Variants in TRPM1 observed in about 807,000 individuals in gnomAD.
TRPM1 encodes the protein TRPM1-203 APA Isoform, Intron 10.
A neutral mutation model predicts 149.4 loss-of-function variants in TRPM1; 113 were observed. The observed-to-expected ratio is 0.76, with a 90% CI of 0.65 to 0.88. The LOEUF (loss-of-function observed/expected upper bound fraction) is 0.88, where lower values mean the gene tolerates loss of function less well. TRPM1 is among the 40% of genes least tolerant of loss of function. TRPM1 has a pLI of 0.00. For synonymous variants in TRPM1, 741 were observed against 759.5 expected, an observed-to-expected ratio of 0.98 and a Z score of 0.40; for missense variants, 1,976 against 2,038.7, an observed-to-expected ratio of 0.97 and a Z score of 0.59.
chr15:31,126,152 G>T (rs1028004932), intron 1 of TRPM1, among the ~76,000 whole-genome samples: 8 of 151,752 alleles, frequency 5.3e-5, no homozygotes, highest in African/African-American at 1.9e-4. Flanking sequence ...CAAAAAGAAA[G>T]AAACAAACAA....
At chr15:31,157,781 GA>G (rs1417743134) in intron 1 of TRPM1, among the ~76,000 whole-genome samples, 1 of 152,152 alleles carries the variant, frequency 6.6e-6, no homozygotes, top group Non-Finnish European at 1.5e-5. Flanking sequence ...GAGCTGGGAA[GA>G]GCTGGCCAGC....
chr15:31,131,598 G>C lies in TRPM1; in HGVS notation c.54+29308C>G, dbSNP rs149477779. 3.9e-5 allele frequency among the ~76,000 whole-genome samples: 6 copies of C among 152,344 alleles called. No homozygotes were observed. In the East Asian group the frequency reaches 1.2e-3, roughly 29 times the overall value. ...TTCTGATTGACAGCCATCAGGTTCA[G>C]TACCAGCTACCCTTTCAGGCATCCC... On this transcript the variant is annotated intron_variant, in intron 1 of 26. Transcript: ENST00000542188.
intron 27 of TRPM1, among the ~76,000 whole-genome samples, chr15:31,018,210 C>A (rs2032437271): frequency 6.6e-6 from 1 of 151,816 alleles, no homozygotes; most frequent in Non-Finnish European, 1.5e-5. Context: ...TGCCACCACG[C>A]CTGGCAATTT....
intron 1 of TRPM1, among the ~76,000 whole-genome samples, chr15:31,124,151 G>A (rs2035914386): frequency 6.6e-6 from 1 of 152,148 alleles, no homozygotes; most frequent in African/African-American, 2.4e-5. Context: ...TGGGCGTGGT[G>A]GTGCACACCT....
upstream of TRPM1, among the ~76,000 whole-genome samples, chr15:31,103,852 A>C (rs912718800): frequency 6.6e-6 from 1 of 151,896 alleles, no homozygotes; most frequent in African/African-American, 2.4e-5. Context: ...AAAAAGAAAA[A>C]AAAAAGAAAA....
chr15:31,132,128 C>G (rs1398291150), intron 1 of TRPM1, among the ~76,000 whole-genome samples: 5 of 152,228 alleles, frequency 3.3e-5, no homozygotes, highest in African/African-American at 1.2e-4. Context: ...CAGTGCCTTC[C>G]TGATGGCCCA....
At chr15:31,103,910 A>T (rs897164522), upstream of TRPM1, among the ~76,000 whole-genome samples, 1 of 151,816 alleles carries the variant, frequency 6.6e-6, no homozygotes, top group Non-Finnish European at 1.5e-5. Context: ...CTCACCTTGT[A>T]TTTCTGTTGG....
chr15:31,074,395 T>C (rs937734617), intron 3 of TRPM1, among the ~76,000 whole-genome samples: 4 of 152,156 alleles, frequency 2.6e-5, no homozygotes, highest in African/African-American at 9.7e-5. Context: ...CTGTTCAGAT[T>C]GTACATTTTT....
intron 11 of TRPM1, among the ~76,000 whole-genome samples, chr15:31,056,136 T>A (rs2034079330): frequency 2.0e-5 from 3 of 151,494 alleles, no homozygotes; most frequent in Admixed American, 1.3e-4. Flanking sequence ...TACAGCAAAA[T>A]GATAGAGAAA....
At chr15:31,089,567 C>T (rs1449493035) in intron 1 of TRPM1, among the ~76,000 whole-genome samples, 1 of 152,144 alleles carries the variant, frequency 6.6e-6, no homozygotes, top group Non-Finnish European at 1.5e-5. Context: ...CAGGCCTGAG[C>T]GGCACCGTTT....
intron 1 of TRPM1, among the ~76,000 whole-genome samples, chr15:31,123,133 C>T (rs1049338004): frequency 1.3e-5 from 2 of 152,156 alleles, no homozygotes; most frequent in African/African-American, 4.8e-5. Flanking sequence ...CAACTGAGAT[C>T]CACATGGAAA....
intron 1 of TRPM1, among the ~76,000 whole-genome samples, chr15:31,092,888 G>A (rs1245839540): frequency 3.3e-5 from 5 of 152,208 alleles, no homozygotes; most frequent in African/African-American, 9.6e-5. Context: ...TACACACAGT[G>A]TGATTCCATT....
At chr15:31,057,511 C>G (rs1418068163) in intron 11 of TRPM1, among the ~76,000 whole-genome samples, 1 of 152,124 alleles carries the variant, frequency 6.6e-6, no homozygotes, top group African/African-American at 2.4e-5. Context: ...ACATAACAAA[C>G]CTGCACTTGT....
In TRPM1 at chr15:31,151,443, G is replaced by A. The variant is rs150278372; in HGVS notation, c.54+9463C>T. Among the ~76,000 whole-genome samples, 124 of 152,322 alleles carry A rather than the reference G, an allele frequency of 8.1e-4. 1 individual carries two copies. In the East Asian group the frequency reaches 0.022, roughly 27 times the overall value. On this transcript the variant is annotated intron_variant, in intron 1 of 26. Coordinates refer to the TRPM1 transcript ENST00000542188. ...TGCCCAGCACCCACTCCTGCCAAGG[G>A]TATCCCCTTGTCTCTCATAGCCTGG...
At chr15:31,084,232 A>G (rs999370089) in intron 1 of TRPM1, among the ~76,000 whole-genome samples, 3 of 152,006 alleles carry the variant, frequency 2.0e-5, no homozygotes, top group Admixed American at 2.0e-4. Context: ...CCTAAAATTC[A>G]CCTATTAAAG....
intron 1 of TRPM1, among the ~76,000 whole-genome samples, chr15:31,113,082 A>C (rs7170825): frequency 1.3e-5 from 2 of 152,110 alleles, no homozygotes; most frequent in African/African-American, 4.8e-5. Flanking sequence ...CTGACAGTAG[A>C]ACCCCTGTCC....
At position 31,147,491 on chromosome 15, in the gene TRPM1, T is replaced by G. The variant is rs1768353343; in HGVS notation, c.54+13415A>C. On this transcript the variant is annotated intron_variant, in intron 1 of 26. Coordinates refer to the TRPM1 transcript ENST00000542188. ...AGAGGCAAGTGCAACGTCATCACAC[T>G]TCACAGATATGGAAACTCAGGCCCA... is the stretch of plus-strand genomic sequence containing the variant. Among the ~76,000 whole-genome samples the G allele has an allele frequency of 1.3e-5, 2 of 152,254 alleles. 1 individual carries two copies. The highest frequency in any genetic ancestry group is 4.1e-4 in the South Asian group (2 of 4,836).
chr15:31,030,966 A>C lies in TRPM1; in HGVS notation c.3127+17T>G. 3 of 1,613,994 alleles carry C rather than the reference A, an allele frequency of 1.9e-6. No individual in the cohort carries two copies. The highest frequency in any genetic ancestry group is 1.6e-4 in the Middle Eastern group (1 of 6,062). ...CAGAAGCAGGGAAGAGAATCTTACT[A>C]TGAATTCTACTCTTACGGTCTATCT... On this transcript the variant is annotated intron_variant, in intron 23 of 27. Transcript: ENST00000256552.
At chr15:31,128,099 G>A (rs962980820) in intron 1 of TRPM1, among the ~76,000 whole-genome samples, 3 of 152,068 alleles carry the variant, frequency 2.0e-5, no homozygotes, top group South Asian at 2.1e-4. Flanking sequence ...TCCCCTCCCC[G>A]CTCTGCTGAC....
Sources: gnomAD v4.1 joint callset for allele counts (sites outside exome capture counted in the v4.1 genomes callset) on GRCh38, gnomAD v4.1.1 for gene constraint, MANE v1.5 for transcripts, NCBI Gene and HGNC (gene_info 2026-07-23, HGNC 2026-07-21) for gene names.